ARHGAP22: variants seen among roughly 807,000 people sequenced by gnomAD.
The protein encoded by ARHGAP22 is rho GTPase-activating protein 22.
ARHGAP22 carries 48 observed loss-of-function variants against 59.1 expected under a neutral mutation model. That is an observed-to-expected ratio of 0.81 (90% CI 0.64 to 1.03). The LOEUF (loss-of-function observed/expected upper bound fraction) is 1.03, where lower values mean the gene tolerates loss of function less well. ARHGAP22 is among the 50% of genes least tolerant of loss of function. The pLI, the probability that ARHGAP22 is intolerant of heterozygous loss-of-function variation, is 0.00. For missense variants in ARHGAP22, 1,015 were observed against 958.7 expected, an observed-to-expected ratio of 1.06 and a Z score of -0.78; for synonymous variants, 445 against 416.4, an observed-to-expected ratio of 1.07 and a Z score of -0.84.
In ARHGAP22 at chr10:48,604,949, C is replaced by A; in HGVS notation, c.-153G>T. 6.5e-7 allele frequency: 1 copy of A among 1,529,728 alleles called. No individual in the cohort carries two copies. Among genetic ancestry groups the A allele is most frequent in the Non-Finnish European group, 8.8e-7 (1 of 1,141,784 alleles). 94.8% of individuals were successfully genotyped at this position (1,529,728 alleles called of 1,614,324 possible). On this transcript the variant is annotated 5_prime_UTR_variant, in exon 1 of 10. Transcript: ENST00000249601. ...CCGTCAGGCTCCCTCGGCTACCTCT[C>A]CTGGCTCCGGACGGACGGCTCGCCT... is the stretch of plus-strand genomic sequence containing the variant.
Position 48,453,251 on chromosome 10 carries a change from A to G in ARHGAP22, c.988+53T>C. 4 of 1,608,366 alleles carry G rather than the reference A, an allele frequency of 2.5e-6. No homozygotes were observed. In the Admixed American group the frequency reaches 6.7e-5, roughly 27 times the overall value. ...TTCCAAGGACTTGCCGTGGACCAAG[A>G]TGAGCCCAGACCCCGGCAGCACCCA... On this transcript the variant is annotated intron_variant, in intron 8 of 9. Transcript: ENST00000249601.
chr10:48,582,377 C>T (rs971589222), intron 2 of ARHGAP22, among the ~76,000 whole-genome samples: 5 of 152,178 alleles, frequency 3.3e-5, no homozygotes, highest in African/African-American at 1.2e-4. Context: ...CTCATTATGA[C>T]GTTTGCATGG....
the ARHGAP22 span, chr10:48,437,673 T>G: frequency 4.6e-5 from 7 of 152,216 alleles, no homozygotes; most frequent in Non-Finnish European, 1.0e-4. Context: ...TCATAGTGTT[T>G]GCTGAACAGT....
intron 1 of ARHGAP22, among the ~76,000 whole-genome samples, chr10:48,637,848 A>G (rs2061886516): frequency 1.3e-5 from 2 of 152,154 alleles, no homozygotes; most frequent in South Asian, 2.1e-4. Context: ...GGATGTCTCC[A>G]TCCTCCTCGC....
intron 3 of ARHGAP22, among the ~76,000 whole-genome samples, chr10:48,514,661 C>T (rs919573196): frequency 6.6e-6 from 1 of 152,012 alleles, no homozygotes; most frequent in Non-Finnish European, 1.5e-5. Flanking sequence ...AAATGAAGAG[C>T]ACATATATAG....
chr10:48,633,758 C>A (rs555801245), intron 1 of ARHGAP22, among the ~76,000 whole-genome samples: 6 of 152,242 alleles, frequency 3.9e-5, no homozygotes, highest in African/African-American at 1.4e-4. Context: ...CAAGAAAATC[C>A]CTGTTGACAT....
At chr10:48,544,093 G>T (rs780790310) in intron 3 of ARHGAP22, among the ~76,000 whole-genome samples, 1 of 151,926 alleles carries the variant, frequency 6.6e-6, no homozygotes, top group Non-Finnish European at 1.5e-5. Context: ...ACTGCACTCC[G>T]GCCTGGGTGA....
intron 3 of ARHGAP22, chr10:48,524,003 CCTCTGG>C: frequency 7.0e-7 from 1 of 1,435,230 alleles, no homozygotes; most frequent in Non-Finnish European, 9.1e-7. Context: ...GGGCTGGCAG[CCTCTGG>C]CGGCGGCCGC....
intron 6 of ARHGAP22, 28 bp downstream of exon 6, chr10:48,454,974 C>T: frequency 6.4e-7 from 1 of 1,561,866 alleles, no homozygotes; most frequent in South Asian, 1.2e-5. Flanking sequence ...AGCCCATCTC[C>T]CAGGAGCTAT....
intron 3 of ARHGAP22, among the ~76,000 whole-genome samples, chr10:48,541,389 T>C (rs2055913555): frequency 6.6e-6 from 1 of 152,220 alleles, no homozygotes; most frequent in African/African-American, 2.4e-5. Context: ...CATCACCCCT[T>C]CCTGCCCGGT....
chr10:48,626,312 A>G (rs888542739), intron 1 of ARHGAP22, among the ~76,000 whole-genome samples: 5 of 152,126 alleles, frequency 3.3e-5, no homozygotes, highest in Non-Finnish European at 7.4e-5. Context: ...CTGAGTGTGA[A>G]TTGTGAATTC....
chr10:48,534,623 C>G (rs1408490443), intron 3 of ARHGAP22, among the ~76,000 whole-genome samples: 1 of 152,238 alleles, frequency 6.6e-6, no homozygotes, highest in African/African-American at 2.4e-5. Context: ...ATGCCAAGCA[C>G]TGTTCTGAGC....
At chr10:48,464,974 G>A (rs933105581) in intron 4 of ARHGAP22, among the ~76,000 whole-genome samples, 2 of 151,800 alleles carry the variant, frequency 1.3e-5, no homozygotes, top group African/African-American at 2.4e-5. Context: ...CCTTCCCCGC[G>A]GCCCTCCTGT....
chr10:48,541,900 A>T (rs912244596), intron 3 of ARHGAP22, among the ~76,000 whole-genome samples: 18 of 152,230 alleles, frequency 1.2e-4, no homozygotes, highest in Non-Finnish European at 1.5e-5. Flanking sequence ...GGGGGAGTTC[A>T]GTTAAAGGCC....
chr10:48,454,037 A>G, intron 7 of ARHGAP22, 51 bp downstream of exon 7: 2 of 1,557,222 alleles, frequency 1.3e-6, no homozygotes, highest in Non-Finnish European at 1.8e-6. Flanking sequence ...GGGTTGGGGG[A>G]GCGTGGAGCC....
At chr10:48,572,969 T>C (rs2058490503) in intron 2 of ARHGAP22, among the ~76,000 whole-genome samples, 1 of 152,134 alleles carries the variant, frequency 6.6e-6, no homozygotes, top group Admixed American at 6.5e-5. Flanking sequence ...GTGGCAGCCA[T>C]CTTTGGGATT....
chr10:48,536,275 C>T (rs2055345181), intron 3 of ARHGAP22, among the ~76,000 whole-genome samples: 1 of 152,188 alleles, frequency 6.6e-6, no homozygotes, highest in Admixed American at 6.5e-5. Flanking sequence ...AATGAGAGGA[C>T]AGCTGTATAG....
At position 48,450,471 on chromosome 10, in the gene ARHGAP22, G is replaced by A. The variant is rs375991136; in HGVS notation, c.1658C>T (p.Pro553Leu). ...GGGGTCCTCGCTGCTGCTGGGGAGC[G>A]GGGAGGGCTCCAGGGCCCAGTCGGT... ...LHTDWALEPS[P>L]LPSSSEDPKS... Residue 553 changes from proline to leucine, a missense_variant, in exon 9 of 10, where the codon CCG (proline) becomes CTG (leucine). Physicochemically the swap from Pro to Leu is moderately conservative, Grantham distance 98. Transcript: ENST00000249601. 617 of 1,541,814 alleles carry A rather than the reference G, an allele frequency of 4.0e-4. 8 individuals are homozygous for A. The South Asian group carries it at 7.0e-3, about 18-fold the overall frequency.
At chr10:48,544,709 T>C (rs1176267095) in intron 3 of ARHGAP22, among the ~76,000 whole-genome samples, 2 of 152,254 alleles carry the variant, frequency 1.3e-5, no homozygotes, top group Non-Finnish European at 2.9e-5. Context: ...AAGATGGCTA[T>C]AGTTAATTAA....
Sources: gnomAD v4.1 joint callset for allele counts (sites outside exome capture counted in the v4.1 genomes callset) on GRCh38, gnomAD v4.1.1 for gene constraint, MANE v1.5 for transcripts, NCBI Gene and HGNC (gene_info 2026-07-23, HGNC 2026-07-21) for gene names.